CHD8: variants seen among roughly 807,000 people sequenced by gnomAD.
CHD8 encodes the protein chromodomain helicase DNA binding protein 8.
CHD8 carries 31 observed loss-of-function variants against 279.2 expected under a neutral mutation model. That is an observed-to-expected ratio of 0.11 (90% CI 0.08 to 0.15). The LOEUF (loss-of-function observed/expected upper bound fraction) is 0.15, where lower values mean the gene tolerates loss of function less well. Among genes scored for constraint, CHD8 ranks in the 10% least tolerant of loss-of-function variants. The pLI is 1.00. For synonymous variants in CHD8, 1,081 were observed against 1,139.6 expected (o/e 0.95, Z 1.04); for missense variants, 2,146 against 3,230.5 (o/e 0.66, Z 8.14).
chr14:21,425,661 TA>T (rs1036025870), intron 5 of CHD8: 42 of 147,826 alleles, frequency 2.8e-4, no homozygotes, highest in South Asian at 4.2e-4. Flanking sequence ...GCTCTTTGCC[TA>T]AAAAAAAAAA....
At chr14:21,433,083 T>C (rs1889633076) in intron 1 of CHD8, among the ~76,000 whole-genome samples, 2 of 152,192 alleles carry the variant, frequency 1.3e-5, no homozygotes, top group African/African-American at 2.4e-5. Context: ...TATGTTTTAT[T>C]TATCTGTGGA....
At chr14:21,448,002 G>GT (rs1890168844) in intron 1 of CHD8, among the ~76,000 whole-genome samples, 1 of 152,136 alleles carries the variant, frequency 6.6e-6, no homozygotes, top group Non-Finnish European at 1.5e-5. Context: ...ATTAATTTAG[G>GT]TAACAGATTC....
chr14:21,386,083 G>C lies in CHD8; in HGVS notation c.7276C>G (p.Leu2426Val). Residue 2426 changes from leucine (L) to valine (V), a missense_variant, in exon 38 of 38, where the codon CTT (leucine) becomes GTT (valine). Physicochemically the swap from Leu to Val is conservative, Grantham distance 32. Coordinates refer to ENST00000646647, the MANE Select transcript of CHD8 (RefSeq NM_001170629.2). ...KKRARRMRPD[L>V]SKMMALMQGG... Reference sequence around the variant, plus strand: ...TGCATGAGGGCCATCATCTTAGAAAGGTCTGGTCGCATCCTACGGGCCCGC... The same window carrying C: ...TGCATGAGGGCCATCATCTTAGAAACGTCTGGTCGCATCCTACGGGCCCGC... 6.3e-7 allele frequency: 1 copy of C among 1,574,984 alleles called. No individual in the cohort carries two copies. Among genetic ancestry groups the C allele is most frequent in the Middle Eastern group, 1.7e-4 (1 of 6,024 alleles).
At chr14:21,417,661 T>C (rs975062327) in intron 5 of CHD8, among the ~76,000 whole-genome samples, 2 of 151,854 alleles carry the variant, frequency 1.3e-5, no homozygotes, top group Admixed American at 6.6e-5. Context: ...GAGACCATCC[T>C]GGCTAACACG....
chr14:21,425,863 G>A (rs750907768), intron 5 of CHD8: 19 of 355,978 alleles, frequency 5.3e-5, no homozygotes, highest in Non-Finnish European at 6.5e-5. Context: ...TTGAAACCGG[G>A]AGGCAGAGGG....
intron 1 of CHD8, among the ~76,000 whole-genome samples, chr14:21,441,917 C>A (rs997310863): frequency 2.3e-5 from 3 of 130,800 alleles, no homozygotes; most frequent in African/African-American, 8.1e-5. Flanking sequence ...AAACAAAAAC[C>A]AAAAAGAAAA....
At chr14:21,392,396 C>G (rs1887588106) in intron 34 of CHD8, 111 bp downstream of exon 34, 2 of 1,112,426 alleles carry the variant, frequency 1.8e-6, no homozygotes, top group Admixed American at 4.5e-5. Context: ...TCTGTTTTCT[C>G]ATTTTTAAAA....
chr14:21,402,271 T>C lies in CHD8; in HGVS notation c.3882+65A>G. 2 of 1,573,316 alleles carry C rather than the reference T, an allele frequency of 1.3e-6. No homozygotes were observed. Among genetic ancestry groups the C allele is most frequent in the African/African-American group, 1.3e-5 (1 of 74,278 alleles). On this transcript the variant is annotated intron_variant, in intron 19 of 37. Transcript: ENST00000646647. The surrounding 1 kb of genome is among the most constrained non-coding windows in gnomAD (Gnocchi z 4.5). ...AGGTAGTCAAATCCCTGTGTACAAA[T>C]AGCTTTTGTTTCCCTCTATCACAAT...
In CHD8 at chr14:21,429,203, G is replaced by C; in HGVS notation, c.976C>G (p.Gln326Glu). The stretch of plus-strand genomic sequence containing the variant: ...GGCTGCCCTTGGGCATTCTTGGCTT[G>C]AGTCAGGGCTGCCAGCTGGTTGCCC... ...LQGNQLAALT[Q>E]AKNAQGQPAK... The change falls in exon 3 of 38, where the codon CAA (glutamine) becomes GAA (glutamate). Residue 326 changes from glutamine (Q) to glutamate (E), a missense_variant. By Grantham distance (29) the Gln-to-Glu change is conservative. Transcript: ENST00000646647. 1.2e-6 allele frequency: 2 copies of C among 1,614,030 alleles called. No individual in the cohort carries two copies. The highest frequency in any genetic ancestry group is 1.7e-6 in the Non-Finnish European group (2 of 1,179,896).
intron 9 of CHD8, 87 bp from the exon 10 acceptor site, chr14:21,413,083 C>A: frequency 1.3e-6 from 1 of 787,620 alleles, no homozygotes; most frequent in East Asian, 2.6e-5. Context: ...GCAGAGAATC[C>A]TACTTCAAAA....
intron 26 of CHD8, chr14:21,399,176 A>C: frequency 3.5e-6 from 1 of 285,426 alleles, no homozygotes; most frequent in East Asian, 9.2e-5. Flanking sequence ...CCCTCTGCCT[A>C]CTCACCCAGA....
At chr14:21,437,141 G>A in intron 1 of CHD8, 1 of 1,039,578 alleles carries the variant, frequency 9.6e-7, no homozygotes, top group Non-Finnish European at 1.3e-6. Context: ...GACAAGCCCT[G>A]AAGGAGAAAA....
intron 1 of CHD8, among the ~76,000 whole-genome samples, chr14:21,437,858 C>T (rs1889851554): frequency 6.6e-6 from 1 of 152,138 alleles, no homozygotes; most frequent in Non-Finnish European, 1.5e-5. Context: ...GGCCCTCTAA[C>T]AATTCCCGAC....
rs762559544 is a variant in CHD8, at chr14:21,428,278, T to C, written c.1216-24A>G. The C allele has an allele frequency of 1.1e-5, 18 of 1,603,606 alleles. 1 individual carries two copies. In the East Asian group the frequency reaches 2.0e-4, roughly 18 times the overall value. On this transcript the variant is annotated intron_variant, in intron 3 of 37. Transcript: ENST00000646647. ...GCCTATAGAAACAAAGATACTACAA[T>C]TTCAACTTGCTTGTAGTTAAATGGC...
intron 1 of CHD8, among the ~76,000 whole-genome samples, chr14:21,453,432 A>T (rs1890305934): frequency 6.6e-6 from 1 of 151,990 alleles, no homozygotes; most frequent in South Asian, 2.1e-4. Flanking sequence ...GAGACAAAAG[A>T]ATAAAAGATC....
intron 1 of CHD8, among the ~76,000 whole-genome samples, chr14:21,438,394 G>A (rs1594387521): frequency 6.6e-6 from 1 of 151,846 alleles, no homozygotes; most frequent in Non-Finnish European, 1.5e-5. Context: ...AGTTTAGTCC[G>A]GGTGCAGTGG....
At position 21,386,204 on chromosome 14, in the gene CHD8, A is replaced by G. The variant is rs755600437; in HGVS notation, c.7183-28T>C. On this transcript the variant is annotated intron_variant, in intron 37 of 37. Coordinates refer to ENST00000646647, the MANE Select transcript of CHD8 (RefSeq NM_001170629.2). Reference sequence around the variant, plus strand: ...AGGAGGAGGGAATAGAAGATAATAAAAAGAAAGAAAGGGGAAAAAAGAAAA... The same window carrying G: ...AGGAGGAGGGAATAGAAGATAATAAGAAGAAAGAAAGGGGAAAAAAGAAAA... 13 of 1,522,430 alleles carry G rather than the reference A, an allele frequency of 8.5e-6. No individual in the cohort carries two copies. The East Asian group carries it at 2.7e-4, about 32-fold the overall frequency. The allele number at this position is 1,522,430 out of a possible 1,614,324, so 94.3% of individuals were successfully genotyped here.
At position 21,402,558 on chromosome 14, in the gene CHD8, G is replaced by A; in HGVS notation, c.3715-55C>T. ...AGAAAGATATCATAAAATTAGCAAG[G>A]GAAAGGATACAAAATACCAATTTAT... On this transcript the variant is annotated intron_variant, in intron 18 of 37. Transcript: ENST00000646647. This position sits in a 1 kb window ranked among gnomAD's most constrained non-coding sequence, Gnocchi z 4.5. 1 of 1,485,330 alleles carries A rather than the reference G, an allele frequency of 6.7e-7. No individual in the cohort carries two copies. Among genetic ancestry groups the A allele is most frequent in the East Asian group, 2.3e-5 (1 of 42,792 alleles). 92.0% of individuals were successfully genotyped at this position (1,485,330 alleles called of 1,614,324 possible).
chr14:21,405,021 G>T lies in CHD8; in HGVS notation c.3307+188C>A, dbSNP rs1322413234. The T allele has an allele frequency of 3.4e-6, 2 of 595,876 alleles. No homozygotes were observed. Among genetic ancestry groups the T allele is most frequent in the Non-Finnish European group, 5.8e-6 (2 of 343,732 alleles). 36.9% of individuals were successfully genotyped at this position (595,876 alleles called of 1,614,324 possible). A position where few individuals can be genotyped will look rare whatever the true frequency, so the allele number is the denominator to read the frequency against. On this transcript the variant is annotated intron_variant, in intron 16 of 37. Coordinates refer to ENST00000646647, the MANE Select transcript of CHD8 (RefSeq NM_001170629.2). This position sits in a 1 kb window ranked among gnomAD's most constrained non-coding sequence, Gnocchi z 4.2. ...TAATTTTTGTATTTTTTGTAGAGGT[G>T]GGATTTCATCATGTTGCCCAGGCTT...
Sources: gnomAD v4.1 joint callset for allele counts (sites outside exome capture counted in the v4.1 genomes callset) on GRCh38, gnomAD v4.1.1 for gene constraint, Gnocchi (gnomAD v3.1) non-coding constraint, MANE v1.5 for transcripts, NCBI Gene and HGNC (gene_info 2026-07-23, HGNC 2026-07-21) for gene names.